The following C8orf34 variants were observed in gnomAD, a reference collection of about 807,000 sequenced individuals.
C8orf34 encodes the protein uncharacterized protein C8orf34.
C8orf34 carries 65 observed loss-of-function variants against 68.3 expected under a neutral mutation model. The observed-to-expected ratio is 0.95, with a 90% CI of 0.78 to 1.17. The LOEUF is 1.17. Among genes scored for constraint, C8orf34 ranks in the 50% most tolerant of loss-of-function variants. The probability of loss-of-function intolerance (pLI) is 0.00; values close to 1 mark genes in which losing one functional copy is unlikely to be tolerated. For missense variants in C8orf34, 664 were observed against 655.4 expected, an observed-to-expected ratio of 1.01 and a Z score of -0.14; for synonymous variants, 244 against 241.2, an observed-to-expected ratio of 1.01 and a Z score of -0.11.
Position 68,487,547 on chromosome 8 carries a change from C to A in C8orf34, c.737-476C>A, listed in dbSNP as rs573274614. Among the ~76,000 whole-genome samples the A allele has an allele frequency of 3.3e-5, 5 of 152,286 alleles. No individual in the cohort carries two copies. The South Asian group carries it at 1.0e-3, about 32-fold the overall frequency. On this transcript the variant is annotated intron_variant, in intron 4 of 13. Transcript: ENST00000518698. The stretch of plus-strand genomic sequence containing the variant: ...AATCTGAGGGACTGTGGGAAAATTC[C>A]TTAAACTTTCTCATCTATTTCCTCA...
At chr8:68,594,963 A>G (rs1332651993) in intron 7 of C8orf34, among the ~76,000 whole-genome samples, 2 of 151,562 alleles carry the variant, frequency 1.3e-5, no homozygotes, top group Middle Eastern at 3.2e-3. Context: ...ATTTTCTCCT[A>G]CTTTTTTAAG....
At chr8:68,772,521 TC>T (rs1243986874) in intron 10 of C8orf34, among the ~76,000 whole-genome samples, 15 of 152,196 alleles carry the variant, frequency 9.9e-5, no homozygotes, top group Non-Finnish European at 1.3e-4. Flanking sequence ...TAAGCAGTAA[TC>T]ACATCAGCCT....
chr8:68,425,121 A>T (rs1018823751), intron 1 of C8orf34, among the ~76,000 whole-genome samples: 7 of 152,186 alleles, frequency 4.6e-5, no homozygotes, highest in South Asian at 4.1e-4. Flanking sequence ...TTCAAAATAG[A>T]GGGGAACTTC....
chr8:68,533,567 GA>G, intron 7 of C8orf34: 1 of 986,014 alleles, frequency 1.0e-6, no homozygotes, highest in Non-Finnish European at 1.2e-6. Context: ...GGATGCTTTA[GA>G]AAAATAGAAT....
intron 11 of C8orf34, among the ~76,000 whole-genome samples, chr8:68,784,792 A>ATG (rs1554613497): frequency 1.4e-5 from 2 of 147,834 alleles, no homozygotes; most frequent in Admixed American, 6.8e-5. Context: ...ATCATTGTGT[A>ATG]TGTGTGTGTA....
At chr8:68,584,935 G>T (rs1166166642) in intron 7 of C8orf34, among the ~76,000 whole-genome samples, 1 of 152,074 alleles carries the variant, frequency 6.6e-6, no homozygotes, top group Non-Finnish European at 1.5e-5. Context: ...ATCATGTGTT[G>T]TTTTACCATG....
chr8:68,551,979 A>G (rs1586362510), intron 7 of C8orf34, among the ~76,000 whole-genome samples: 1 of 152,142 alleles, frequency 6.6e-6, no homozygotes, highest in Admixed American at 6.5e-5. Flanking sequence ...CCAATTTGTC[A>G]AAAGATGAAT....
At chr8:68,514,820 G>A (rs937456340) in intron 5 of C8orf34, among the ~76,000 whole-genome samples, 1 of 152,118 alleles carries the variant, frequency 6.6e-6, no homozygotes, top group Non-Finnish European at 1.5e-5. Flanking sequence ...TACCCAAATA[G>A]TTGGAGTTGG....
intron 3 of C8orf34, among the ~76,000 whole-genome samples, chr8:68,456,705 G>A (rs1811568570): frequency 6.6e-6 from 1 of 152,140 alleles, no homozygotes; most frequent in African/African-American, 2.4e-5. Context: ...AGATAAGTAG[G>A]TTTTGATGAA....
intron 7 of C8orf34, among the ~76,000 whole-genome samples, chr8:68,629,460 A>C (rs1818627088): frequency 6.6e-6 from 1 of 152,170 alleles, no homozygotes; most frequent in Non-Finnish European, 1.5e-5. Flanking sequence ...GCTTCCTGCC[A>C]CATCTCCCTT....
intron 7 of C8orf34, among the ~76,000 whole-genome samples, chr8:68,539,451 T>G (rs1301981601): frequency 1.3e-5 from 2 of 152,250 alleles, no homozygotes; most frequent in South Asian, 4.1e-4. Context: ...AAACTCTTGA[T>G]GAACTTATTA....
chr8:68,674,544 G>A (rs977079404), intron 8 of C8orf34, among the ~76,000 whole-genome samples: 1 of 151,864 alleles, frequency 6.6e-6, no homozygotes, highest in Non-Finnish European at 1.5e-5. Flanking sequence ...CAGCAGAATT[G>A]ATCAAGCAGA....
chr8:68,580,111 C>CAT (rs1817019030), intron 7 of C8orf34, among the ~76,000 whole-genome samples: 1 of 151,996 alleles, frequency 6.6e-6, no homozygotes, highest in Admixed American at 6.6e-5. Context: ...ATAAAGTATA[C>CAT]ATATATATAG....
chr8:68,567,366 A>G (rs1249300131), intron 7 of C8orf34, among the ~76,000 whole-genome samples: 4 of 152,038 alleles, frequency 2.6e-5, no homozygotes, highest in African/African-American at 9.7e-5. Context: ...GTACCTTTCC[A>G]GGAATTTGTC....
At chr8:68,621,522 A>G (rs1399648474) in intron 7 of C8orf34, among the ~76,000 whole-genome samples, 1 of 152,248 alleles carries the variant, frequency 6.6e-6, no homozygotes, top group Non-Finnish European at 1.5e-5. Flanking sequence ...TGTAAACTCT[A>G]TATAAAATAT....
At chr8:68,590,725 G>C (rs1434623584) in intron 7 of C8orf34, among the ~76,000 whole-genome samples, 1 of 152,182 alleles carries the variant, frequency 6.6e-6, no homozygotes, top group East Asian at 1.9e-4. Flanking sequence ...TCTAGGAGAC[G>C]CACAGCGTTT....
intron 10 of C8orf34, among the ~76,000 whole-genome samples, chr8:68,776,082 G>T (rs544959264): frequency 6.6e-6 from 1 of 152,160 alleles, no homozygotes; most frequent in Non-Finnish European, 1.5e-5. Flanking sequence ...GGGTTGATGG[G>T]TGCAGCAAAC....
intron 10 of C8orf34, among the ~76,000 whole-genome samples, chr8:68,734,148 C>T (rs1216285628): frequency 6.6e-6 from 1 of 152,018 alleles, no homozygotes; most frequent in Non-Finnish European, 1.5e-5. Flanking sequence ...GCTAAGGAGA[C>T]AAACTTCAAA....
chr8:68,692,292 A>C (rs538449428), intron 8 of C8orf34, among the ~76,000 whole-genome samples: 5 of 152,250 alleles, frequency 3.3e-5, no homozygotes, highest in Admixed American at 3.3e-4. Context: ...GAGTACAAAA[A>C]TCAAACATGA....
Sources: gnomAD v4.1 joint callset for allele counts (sites outside exome capture counted in the v4.1 genomes callset) on GRCh38, gnomAD v4.1.1 for gene constraint, MANE v1.5 for transcripts, NCBI Gene and HGNC (gene_info 2026-07-23, HGNC 2026-07-21) for gene names.